Variants in TDRD12 observed in about 807,000 individuals in gnomAD.
TDRD12 encodes the protein putative ATP-dependent RNA helicase TDRD12.
A neutral mutation model predicts 133.5 loss-of-function variants in TDRD12; 158 were observed. The ratio of observed to expected loss-of-function variants is 1.18; its 90% confidence interval spans 1.04 to 1.35. The LOEUF is 1.35. Ranked by LOEUF, TDRD12 falls within the 40% of genes most tolerant of loss-of-function variation. The pLI is 0.00. For missense variants in TDRD12, 1,443 were observed against 1,321.3 expected (o/e 1.09, Z -1.43); for synonymous variants, 460 against 477.9 (o/e 0.96, Z 0.49).
At chr19:32,823,034 A>C (rs1349102449), downstream of TDRD12, among the ~76,000 whole-genome samples, 1 of 152,204 alleles carries the variant, frequency 6.6e-6, no homozygotes, top group Admixed American at 6.5e-5. Context: ...TCCACACTGC[A>C]GATGTTCTGC....
chr19:32,797,971 C>T, intron 15 of TDRD12, 80 bp downstream of exon 15: 1 of 601,868 alleles, frequency 1.7e-6, no homozygotes, highest in African/African-American at 1.8e-5. Flanking sequence ...TGGAGCCTGG[C>T]TGGGCCTGGG....
intron 11 of TDRD12, among the ~76,000 whole-genome samples, chr19:32,788,088 T>A (rs926928313): frequency 2.6e-5 from 4 of 152,180 alleles, no homozygotes; most frequent in African/African-American, 7.2e-5. Context: ...GCTCTTTTTT[T>A]AATCTCTTTG....
chr19:32,819,736 G>C (rs12977205), intron 27 of TDRD12, among the ~76,000 whole-genome samples: 1 of 152,186 alleles, frequency 6.6e-6, no homozygotes, highest in Non-Finnish European at 1.5e-5. Context: ...CAGGTAGAGA[G>C]GGAATGGCGA....
At chr19:32,752,265 C>T (rs553235059) in intron 6 of TDRD12, among the ~76,000 whole-genome samples, 19 of 151,886 alleles carry the variant, frequency 1.3e-4, no homozygotes, top group East Asian at 3.9e-4. Flanking sequence ...CTGCAACCTC[C>T]GCCTCCCAGG....
intron 2 of TDRD12, among the ~76,000 whole-genome samples, chr19:32,732,164 C>G (rs1346026344): frequency 1.3e-5 from 2 of 152,192 alleles, no homozygotes; most frequent in African/African-American, 4.8e-5. Context: ...CCACCACACT[C>G]AGCTAATTTT....
chr19:32,772,822 A>G (rs1970476927), exon 9 of TDRD12: 1 of 1,507,414 alleles, frequency 6.6e-7, no homozygotes, highest in African/African-American at 1.4e-5. Context: ...AAGAAACACC[A>G]TTGCATCTCT....
At chr19:32,746,851 A>G (rs1471893770) in intron 4 of TDRD12, among the ~76,000 whole-genome samples, 1 of 150,304 alleles carries the variant, frequency 6.7e-6, no homozygotes, top group Non-Finnish European at 1.5e-5. Flanking sequence ...AGAGAAGGAG[A>G]GAGACTGGCT....
At chr19:32,815,593 C>T in exon 26 of TDRD12, 1 of 1,536,072 alleles carries the variant, frequency 6.5e-7, no homozygotes, top group Non-Finnish European at 8.7e-7. Context: ...AAGATACCAG[C>T]TTGTGAAGAA....
intron 14 of TDRD12, among the ~76,000 whole-genome samples, chr19:32,797,004 G>A (rs1478802336): frequency 7.1e-6 from 1 of 140,950 alleles, no homozygotes; most frequent in Non-Finnish European, 1.5e-5. Context: ...TTTTTGAGAT[G>A]GAGTCTCGCT....
chr19:32,818,158 G>A lies in TDRD12; in HGVS notation c.3383+1G>A. ...CATCCGAGGAGCAGGGGGGGCAGGG[G>A]TGAGTAAGAACACCACAGAGCTTCC... On this transcript the variant is annotated splice_donor_variant, in intron 27 of 27. Transcript: ENST00000444215. LOFTEE classifies it high-confidence loss of function. 1 of 701,790 alleles carries A rather than the reference G, an allele frequency of 1.4e-6. No individual in the cohort carries two copies. Among genetic ancestry groups the A allele is most frequent in the South Asian group, 1.5e-5 (1 of 67,404 alleles). 43.5% of individuals were successfully genotyped at this position (701,790 alleles called of 1,614,324 possible).
chr19:32,742,765 CT>C lies in TDRD12; in HGVS notation c.321-15del. 1 of 1,549,298 alleles carries C rather than the reference CT, an allele frequency of 6.5e-7. No homozygotes were observed. The highest frequency in any genetic ancestry group is 8.7e-7 in the Non-Finnish European group (1 of 1,146,304). On this transcript the variant is annotated splice_polypyrimidine_tract_variant and intron_variant, in intron 3 of 27. Transcript: ENST00000444215. ...AATTTTCTATATAATGGAGCTGTTT[CT>C]GTTTTACTTTTTAGCATCCGAGTTG...
At chr19:32,738,781 C>T in intron 2 of TDRD12, 75 bp from the exon 3 acceptor site, 1 of 1,476,396 alleles carries the variant, frequency 6.8e-7, no homozygotes, top group Non-Finnish European at 9.1e-7. Context: ...CCACTGCACT[C>T]CAGCCTGGGC....
intron 7 of TDRD12, 83 bp from the exon 8 acceptor site, chr19:32,756,955 C>T (rs1970012227): frequency 1.7e-6 from 2 of 1,196,344 alleles, no homozygotes; most frequent in Admixed American, 2.0e-5. Flanking sequence ...AAAGCAAGAG[C>T]AGAAGTAATG....
chr19:32,722,978 C>T lies in TDRD12; in HGVS notation c.24+2882C>T, dbSNP rs527985571. On this transcript the variant is annotated intron_variant, in intron 1 of 27. Coordinates refer to ENST00000444215, the Ensembl canonical transcript of TDRD12. Reference sequence around the variant, plus strand: ...TACAGGCAAGAACTGCTGCACCTGGCCCCCCCATGTAACCTTTTAGAAGTT... The same window carrying T: ...TACAGGCAAGAACTGCTGCACCTGGTCCCCCCATGTAACCTTTTAGAAGTT... Among the ~76,000 whole-genome samples, 6 of 151,928 alleles carry T rather than the reference C, an allele frequency of 3.9e-5. No individual in the cohort carries two copies. The South Asian group carries it at 1.3e-3, about 32-fold the overall frequency.
At chr19:32,797,834 C>T (rs1189884751) in exon 15 of TDRD12, 13 of 702,284 alleles carry the variant, frequency 1.9e-5, no homozygotes, top group Non-Finnish European at 3.4e-5. Flanking sequence ...TCATCCTGTG[C>T]TATTAACAAT....
chr19:32,790,840 G>C, intron 12 of TDRD12, 124 bp from the exon 13 acceptor site: 1 of 1,408,208 alleles, frequency 7.1e-7, no homozygotes, highest in Non-Finnish European at 9.4e-7. Flanking sequence ...TTTTTTTTAA[G>C]TAAGCATATA....
intron 6 of TDRD12, among the ~76,000 whole-genome samples, chr19:32,755,704 C>T (rs1002009635): frequency 7.9e-5 from 12 of 152,222 alleles, no homozygotes; most frequent in African/African-American, 2.9e-4. Flanking sequence ...TGTTTTGTCT[C>T]TGTCCTCCCA....
intron 6 of TDRD12, among the ~76,000 whole-genome samples, chr19:32,754,759 C>G (rs1011265521): frequency 1.3e-5 from 2 of 148,558 alleles, no homozygotes; most frequent in Non-Finnish European, 3.0e-5. Flanking sequence ...TCACCGCAAC[C>G]TCTGCCTCCT....
chr19:32,817,327 C>A (rs956391457), intron 26 of TDRD12, among the ~76,000 whole-genome samples: 1 of 151,990 alleles, frequency 6.6e-6, no homozygotes, highest in South Asian at 2.1e-4. Flanking sequence ...TTTGTCTCTA[C>A]GAATCTGCCA....
Sources: gnomAD v4.1 joint callset for allele counts (sites outside exome capture counted in the v4.1 genomes callset) on GRCh38, gnomAD v4.1.1 for gene constraint, MANE v1.5 for transcripts, NCBI Gene and HGNC (gene_info 2026-07-23, HGNC 2026-07-21) for gene names.